MAGI3: variants seen among roughly 807,000 people sequenced by gnomAD.
MAGI3 encodes the protein membrane-associated guanylate kinase, WW and PDZ domain-containing protein 3.
A neutral mutation model predicts 121.8 loss-of-function variants in MAGI3; 43 were observed. The observed-to-expected ratio is 0.35, with a 90% confidence interval of 0.28 to 0.46. The LOEUF is 0.46. Among genes scored for constraint, MAGI3 ranks in the 20% least tolerant of loss-of-function variants. The probability of loss-of-function intolerance (pLI) is 1.00; values close to 1 mark genes in which losing one functional copy is unlikely to be tolerated. For synonymous variants in MAGI3, 553 were observed against 639.3 expected (o/e 0.86, Z 2.04); for missense variants, 1,547 against 1,797.3 (o/e 0.86, Z 2.52).
intron 1 of MAGI3, among the ~76,000 whole-genome samples, chr1:113,392,036 G>T (rs1650853400): frequency 6.6e-6 from 1 of 152,208 alleles, no homozygotes; most frequent in Non-Finnish European, 1.5e-5. Flanking sequence ...TGATTTTACA[G>T]AATTTTGTTG....
At chr1:113,467,338 G>T (rs556256442) in intron 1 of MAGI3, among the ~76,000 whole-genome samples, 2 of 152,126 alleles carry the variant, frequency 1.3e-5, no homozygotes, top group Non-Finnish European at 2.9e-5. Flanking sequence ...TTCTAAATTT[G>T]TTCAGAGTTG....
intron 1 of MAGI3, among the ~76,000 whole-genome samples, chr1:113,545,820 C>G (rs755984450): frequency 6.6e-6 from 1 of 151,154 alleles, no homozygotes; most frequent in Non-Finnish European, 1.5e-5. Flanking sequence ...CAAAGTCTGG[C>G]TATGTTAAGA....
At chr1:113,577,853 G>A (rs184267812) in intron 2 of MAGI3, among the ~76,000 whole-genome samples, 17 of 152,184 alleles carry the variant, frequency 1.1e-4, no homozygotes, top group Non-Finnish European at 1.5e-4. Flanking sequence ...CTGCCCTTTC[G>A]ATCAGTGCTG....
chr1:113,391,424 C>T lies in MAGI3; in HGVS notation c.316+75C>T. On this transcript the variant is annotated intron_variant, in intron 1 of 20. Coordinates refer to ENST00000307546, the MANE Select transcript of MAGI3 (RefSeq NM_001142782.2). This position sits in a 1 kb window ranked among gnomAD's most constrained non-coding sequence, Gnocchi z 4.4. The stretch of plus-strand genomic sequence containing the variant: ...AGGGTGGGCGTCCTGGGAGCGGCGG[C>T]ACCTCCCCACCGCGTATTGTCCCGG... 1 of 1,445,788 alleles carries T rather than the reference C, an allele frequency of 6.9e-7. No homozygotes were observed. Among genetic ancestry groups the T allele is most frequent in the African/African-American group, 1.4e-5 (1 of 70,680 alleles). 89.6% of individuals were successfully genotyped at this position (1,445,788 alleles called of 1,614,324 possible). A position where few individuals can be genotyped will look rare whatever the true frequency, so the allele number is the denominator to read the frequency against.
chr1:113,528,280 T>C (rs1658543855), intron 1 of MAGI3, among the ~76,000 whole-genome samples: 1 of 150,922 alleles, frequency 6.6e-6, no homozygotes, highest in African/African-American at 2.4e-5. Context: ...TTGAAAATCT[T>C]CACCTCCCCC....
chr1:113,594,644 A>G, intron 6 of MAGI3, 84 bp downstream of exon 6: 1 of 1,152,152 alleles, frequency 8.7e-7, no homozygotes, highest in Non-Finnish European at 1.2e-6. Flanking sequence ...GTTTTTCAAA[A>G]CCCTAAACAA....
intron 1 of MAGI3, among the ~76,000 whole-genome samples, chr1:113,452,396 T>G (rs1654525482): frequency 6.6e-6 from 1 of 151,854 alleles, no homozygotes; most frequent in Admixed American, 6.6e-5. Flanking sequence ...CATTAGGACA[T>G]CAGATTTAGC....
At chr1:113,438,756 A>G (rs1653764747) in intron 1 of MAGI3, among the ~76,000 whole-genome samples, 1 of 152,122 alleles carries the variant, frequency 6.6e-6, no homozygotes, top group East Asian at 1.9e-4. Context: ...ACTAGGTTCC[A>G]CCTCCCACAT....
At chr1:113,535,658 C>A (rs1658940954) in intron 1 of MAGI3, among the ~76,000 whole-genome samples, 1 of 152,148 alleles carries the variant, frequency 6.6e-6, no homozygotes, top group South Asian at 2.1e-4. Context: ...TAATGCCTTT[C>A]AGAAACGTTG....
chr1:113,482,145 A>C (rs1046541574), intron 1 of MAGI3, among the ~76,000 whole-genome samples: 1 of 152,138 alleles, frequency 6.6e-6, no homozygotes, highest in Non-Finnish European at 1.5e-5. Flanking sequence ...AACTCACAGT[A>C]TTCCAATTTT....
intron 1 of MAGI3, among the ~76,000 whole-genome samples, chr1:113,446,768 T>A (rs1205296760): frequency 6.6e-6 from 1 of 152,184 alleles, no homozygotes; most frequent in East Asian, 1.9e-4. Flanking sequence ...AATCAAAATG[T>A]TGTAAGAGAC....
At chr1:113,490,101 A>G (rs778022252) in intron 1 of MAGI3, among the ~76,000 whole-genome samples, 8 of 152,160 alleles carry the variant, frequency 5.3e-5, no homozygotes, top group Non-Finnish European at 1.2e-4. Context: ...AGATTCTCCA[A>G]GGTCAAAATG....
intron 1 of MAGI3, among the ~76,000 whole-genome samples, chr1:113,478,102 A>C (rs1331841587): frequency 6.6e-6 from 1 of 151,886 alleles, no homozygotes; most frequent in Non-Finnish European, 1.5e-5. Context: ...TCTTCTCTAC[A>C]CTGTTTATTC....
At chr1:113,421,578 A>T (rs76801379) in intron 1 of MAGI3, among the ~76,000 whole-genome samples, 1 of 152,162 alleles carries the variant, frequency 6.6e-6, no homozygotes, top group Non-Finnish European at 1.5e-5. Flanking sequence ...GGGTCCATCA[A>T]CTTTTATGTA....
At chr1:113,640,839 C>G (rs1217931754) in intron 9 of MAGI3, among the ~76,000 whole-genome samples, 3 of 148,442 alleles carry the variant, frequency 2.0e-5, no homozygotes, top group Non-Finnish European at 3.0e-5. Flanking sequence ...ACACTTATAC[C>G]TATGTAACAA....
intron 4 of MAGI3, 127 bp downstream of exon 4, chr1:113,585,723 T>C (rs1557837286): frequency 1.2e-5 from 9 of 782,594 alleles, no homozygotes; most frequent in Admixed American, 5.8e-5. Context: ...AATTTTTTTG[T>C]AAAGGTTGTA....
intron 1 of MAGI3, among the ~76,000 whole-genome samples, chr1:113,423,249 T>G (rs1001507578): frequency 1.5e-5 from 2 of 137,834 alleles, no homozygotes; most frequent in African/African-American, 5.2e-5. Context: ...AGTATTCGTT[T>G]TTTTTTTTTT....
At chr1:113,466,878 T>C (rs1655315692) in intron 1 of MAGI3, among the ~76,000 whole-genome samples, 1 of 152,080 alleles carries the variant, frequency 6.6e-6, no homozygotes, top group East Asian at 1.9e-4. Flanking sequence ...TTGTTTATCT[T>C]TTACAAAACC....
intron 6 of MAGI3, among the ~76,000 whole-genome samples, chr1:113,604,443 T>C (rs569714543): frequency 2.0e-4 from 30 of 151,776 alleles, no homozygotes; most frequent in African/African-American, 6.8e-4. Context: ...GGCATGCACC[T>C]GTAATCCCAC....
Sources: gnomAD v4.1 joint callset for allele counts (sites outside exome capture counted in the v4.1 genomes callset) on GRCh38, gnomAD v4.1.1 for gene constraint, Gnocchi (gnomAD v3.1) non-coding constraint, MANE v1.5 for transcripts, NCBI Gene and HGNC (gene_info 2026-07-23, HGNC 2026-07-21) for gene names.